The following NELL2 variants were observed in gnomAD, a reference collection of about 807,000 sequenced individuals.
The protein encoded by NELL2 is protein kinase C-binding protein NELL2.
NELL2 carries 41 observed loss-of-function variants against 109.6 expected under a neutral mutation model. The observed-to-expected ratio is 0.37, with a 90% CI of 0.29 to 0.49. NELL2 has a LOEUF of 0.49. Ranked by LOEUF, NELL2 falls within the 20% of genes least tolerant of loss-of-function variation. The pLI is 0.98. For synonymous variants in NELL2, 355 were observed against 344.7 expected, an observed-to-expected ratio of 1.03 and a Z score of -0.33; for missense variants, 900 against 1,008.3, an observed-to-expected ratio of 0.89 and a Z score of 1.45.
intron 9 of NELL2, among the ~76,000 whole-genome samples, chr12:44,729,874 A>C (rs911533310): frequency 6.6e-6 from 1 of 151,966 alleles, no homozygotes; most frequent in African/African-American, 2.4e-5. Flanking sequence ...CCTCACTGCA[A>C]CCTCTGCCCC....
intron 3 of NELL2, among the ~76,000 whole-genome samples, chr12:44,790,478 T>C (rs1164329418): frequency 2.0e-5 from 3 of 151,976 alleles, no homozygotes; most frequent in African/African-American, 7.2e-5. Flanking sequence ...TAAAAGGAGC[T>C]CTAAATTTTG....
intron 2 of NELL2, among the ~76,000 whole-genome samples, chr12:44,825,775 G>T (rs1305551051): frequency 6.6e-6 from 1 of 150,610 alleles, no homozygotes; most frequent in Non-Finnish European, 1.5e-5. Context: ...GCCGGGCCCG[G>T]TGACTCATGC....
chr12:44,597,770 G>T (rs1344152913), intron 15 of NELL2, among the ~76,000 whole-genome samples: 1 of 151,890 alleles, frequency 6.6e-6, no homozygotes, highest in Non-Finnish European at 1.5e-5. Context: ...GAGGGAATGA[G>T]GAAAAAGGTA....
At chr12:44,688,563 A>C (rs76677616) in intron 12 of NELL2, among the ~76,000 whole-genome samples, 8,973 of 152,242 alleles carry the variant, frequency 0.059, 880 homozygotes, top group African/African-American at 0.2. Context: ...CTGAGATGTT[A>C]AACAATTTTC....
At chr12:44,838,852 G>C (rs1354608386) in intron 2 of NELL2, among the ~76,000 whole-genome samples, 1 of 152,164 alleles carries the variant, frequency 6.6e-6, no homozygotes, top group Non-Finnish European at 1.5e-5. Context: ...GATATAAACA[G>C]TCATTTCAAT....
chr12:44,891,645 G>C (rs1394913478), intron 1 of NELL2, among the ~76,000 whole-genome samples: 5 of 152,004 alleles, frequency 3.3e-5, no homozygotes, highest in Non-Finnish European at 7.4e-5. Flanking sequence ...TGTGGGTCAT[G>C]ATTCTGTATA....
At chr12:44,876,878 GA>G (rs1421402719), upstream of NELL2, 14 of 1,291,622 alleles carry the variant, frequency 1.1e-5, no homozygotes, top group Non-Finnish European at 1.4e-5. Flanking sequence ...GCGAGCCTGG[GA>G]AGCCCCGGGT....
chr12:44,789,572 AC>A (rs1942306559), intron 3 of NELL2, among the ~76,000 whole-genome samples: 1 of 151,794 alleles, frequency 6.6e-6, no homozygotes, highest in Non-Finnish European at 1.5e-5. Context: ...GCTCTTTAAC[AC>A]CCCCCAAAAA....
chr12:44,830,206 C>G (rs2136719884), intron 2 of NELL2, among the ~76,000 whole-genome samples: 1 of 152,254 alleles, frequency 6.6e-6, no homozygotes, highest in South Asian at 2.1e-4. Context: ...AGTGCAACCT[C>G]AGACTCCACA....
intron 15 of NELL2, among the ~76,000 whole-genome samples, chr12:44,554,591 A>G (rs1943168865): frequency 6.6e-6 from 1 of 152,170 alleles, no homozygotes; most frequent in South Asian, 2.1e-4. Context: ...TACACTTTAA[A>G]TATGTGGGGT....
At chr12:44,911,517 T>A (rs1945779859) in intron 1 of NELL2, among the ~76,000 whole-genome samples, 1 of 151,898 alleles carries the variant, frequency 6.6e-6, no homozygotes, top group Non-Finnish European at 1.5e-5. Flanking sequence ...ATTAAGTAAA[T>A]GCCTGTTTAA....
intron 15 of NELL2, among the ~76,000 whole-genome samples, chr12:44,573,725 G>A (rs1334265701): frequency 6.6e-6 from 1 of 152,212 alleles, no homozygotes; most frequent in South Asian, 2.1e-4. Context: ...TAGATATGGA[G>A]AACAGGCAAA....
chr12:44,632,246 G>A (rs1946482862), intron 13 of NELL2, among the ~76,000 whole-genome samples: 1 of 152,056 alleles, frequency 6.6e-6, no homozygotes, highest in South Asian at 2.1e-4. Context: ...GTTGTTTTCC[G>A]TTGACATCAG....
intron 12 of NELL2, among the ~76,000 whole-genome samples, chr12:44,687,833 G>A (rs1022100365): frequency 2.0e-5 from 3 of 152,056 alleles, no homozygotes; most frequent in African/African-American, 4.8e-5. Context: ...TTAATCATGT[G>A]GTGTCTTATA....
intron 15 of NELL2, among the ~76,000 whole-genome samples, chr12:44,537,714 A>G (rs1354600968): frequency 6.6e-6 from 1 of 152,088 alleles, no homozygotes; most frequent in Non-Finnish European, 1.5e-5. Flanking sequence ...ATTTTTTTTA[A>G]TCAAAAGGTC....
intron 2 of NELL2, among the ~76,000 whole-genome samples, chr12:44,874,449 A>G (rs1318556575): frequency 6.6e-6 from 1 of 152,182 alleles, no homozygotes; most frequent in East Asian, 1.9e-4. Flanking sequence ...AAAAGCTCTA[A>G]TCAAAGTTGA....
chr12:44,773,754 T>C (rs982306550), intron 9 of NELL2, among the ~76,000 whole-genome samples: 2 of 152,204 alleles, frequency 1.3e-5, no homozygotes, highest in African/African-American at 4.8e-5. Context: ...TACAGTCTTA[T>C]GAGACGGACT....
rs556092928 is a variant in NELL2, at chr12:44,618,041, T to C, written c.1445-7071A>G. Among the ~76,000 whole-genome samples, 79 of 152,300 alleles carry C rather than the reference T, an allele frequency of 5.2e-4. 1 individual carries two copies. Among genetic ancestry groups the C allele is most frequent in the Admixed American group, 8.5e-4 (13 of 15,302 alleles). ...TATTGAGCAACAGCTATTCATTTTG[T>C]TTCTTGTGATTACCTTATTTACTCA... On this transcript the variant is annotated intron_variant, in intron 13 of 19. Transcript: ENST00000429094.
intron 2 of NELL2, among the ~76,000 whole-genome samples, chr12:44,857,358 A>G (rs1051845966): frequency 2.0e-5 from 3 of 152,234 alleles, no homozygotes; most frequent in African/African-American, 7.2e-5. Context: ...GATTGTAGAA[A>G]TAAGTAGTAA....
Sources: gnomAD v4.1 joint callset for allele counts (sites outside exome capture counted in the v4.1 genomes callset) on GRCh38, gnomAD v4.1.1 for gene constraint, MANE v1.5 for transcripts, NCBI Gene and HGNC (gene_info 2026-07-23, HGNC 2026-07-21) for gene names.